Variants in FBXW7 observed in about 807,000 individuals in gnomAD.
FBXW7 encodes F-box/WD repeat-containing protein 7.
In FBXW7, 11 loss-of-function variants were observed where a neutral mutation model predicts 86.3. The ratio of observed to expected loss-of-function variants is 0.13; its 90% CI spans 0.08 to 0.21. The LOEUF (loss-of-function observed/expected upper bound fraction) is 0.21. Ranked by LOEUF, FBXW7 falls within the 10% of genes least tolerant of loss-of-function variation. FBXW7 has a pLI of 1.00. For missense variants in FBXW7, 488 were observed against 847.4 expected (o/e 0.58, Z 5.27); for synonymous variants, 313 against 297.9 (o/e 1.05, Z -0.52).
chr4:152,459,549 G>C (rs1325452760), intron 2 of FBXW7, among the ~76,000 whole-genome samples: 1 of 152,148 alleles, frequency 6.6e-6, no homozygotes, highest in Non-Finnish European at 1.5e-5. Context: ...CAGGCAGACT[G>C]CCCTTATATT....
chr4:152,443,208 G>A (rs574632731), intron 2 of FBXW7, among the ~76,000 whole-genome samples: 23 of 152,282 alleles, frequency 1.5e-4, no homozygotes, highest in African/African-American at 5.3e-4. Context: ...GTTGTGGTGA[G>A]CCGAAATCGC....
chr4:152,414,601 A>G (rs1035376939), intron 2 of FBXW7, among the ~76,000 whole-genome samples: 1 of 152,300 alleles, frequency 6.6e-6, no homozygotes, highest in Admixed American at 6.5e-5. Flanking sequence ...TTAATCAATA[A>G]ATGTTTCAAA....
chr4:152,347,169 A>C, intron 5 of FBXW7, 98 bp from the exon 6 acceptor site: 1 of 999,468 alleles, frequency 1.0e-6, no homozygotes, highest in Non-Finnish European at 1.4e-6. Context: ...TCTAGTACAA[A>C]GAATGATGAT....
intron 2 of FBXW7, among the ~76,000 whole-genome samples, chr4:152,425,228 CAA>C (rs1739275092): frequency 6.6e-6 from 1 of 152,196 alleles, no homozygotes; most frequent in African/African-American, 2.4e-5. Context: ...CTGTGACACA[CAA>C]AGACTCTCAA....
chr4:152,495,524 A>C (rs1250240473), intron 2 of FBXW7, among the ~76,000 whole-genome samples: 1 of 152,192 alleles, frequency 6.6e-6, no homozygotes, highest in African/African-American at 2.4e-5. Flanking sequence ...TAACATGGAA[A>C]AAACAGTAAC....
rs1390761855 is a variant in FBXW7, at chr4:152,424,330, T to C, written c.-119-11801A>G. Among the ~76,000 whole-genome samples, 4 of 152,156 alleles carry C rather than the reference T, an allele frequency of 2.6e-5. No homozygotes were observed. In the East Asian group the frequency reaches 5.8e-4, roughly 22 times the overall value. On this transcript the variant is annotated intron_variant, in intron 2 of 13. Coordinates refer to ENST00000281708, the MANE Select transcript of FBXW7 (RefSeq NM_001349798.2). ...AGACTTTTTGCATTTTTCTGAAACT[T>C]TGACTAATAGGACAATCAATGTTTA...
intron 2 of FBXW7, among the ~76,000 whole-genome samples, chr4:152,456,209 A>T (rs1742396208): frequency 6.6e-6 from 1 of 152,070 alleles, no homozygotes; most frequent in South Asian, 2.1e-4. Context: ...ATTCAATAAT[A>T]AGACAAACAA....
intron 4 of FBXW7, chr4:152,352,768 T>C (rs1463534048): frequency 6.2e-7 from 1 of 1,606,864 alleles, no homozygotes; most frequent in Non-Finnish European, 8.5e-7. Context: ...CTCGAGGGAA[T>C]AATGAGAGAG....
At chr4:152,516,921 G>C (rs1046847834) in intron 2 of FBXW7, among the ~76,000 whole-genome samples, 2 of 152,172 alleles carry the variant, frequency 1.3e-5, no homozygotes, top group Non-Finnish European at 2.9e-5. Context: ...GACCTCCTGG[G>C]TTCAAGCAAT....
chr4:152,346,420 A>G (rs1731269176), intron 6 of FBXW7, among the ~76,000 whole-genome samples: 1 of 152,232 alleles, frequency 6.6e-6, no homozygotes, highest in African/African-American at 2.4e-5. Context: ...TTTAAAAAGC[A>G]ATAAAAAAAA....
chr4:152,450,857 TAA>T (rs1337067502), intron 2 of FBXW7, among the ~76,000 whole-genome samples: 1 of 152,164 alleles, frequency 6.6e-6, no homozygotes, highest in African/African-American at 2.4e-5. Flanking sequence ...AACTATGAAA[TAA>T]AAGATTCAAA....
chr4:152,489,762 C>A (rs893019706), intron 2 of FBXW7, among the ~76,000 whole-genome samples: 7 of 151,922 alleles, frequency 4.6e-5, no homozygotes, highest in African/African-American at 1.7e-4. Flanking sequence ...ACCTGGCACC[C>A]TTATCTTCTT....
chr4:152,510,006 A>G (rs905938655), intron 2 of FBXW7, among the ~76,000 whole-genome samples: 4 of 152,240 alleles, frequency 2.6e-5, no homozygotes, highest in African/African-American at 7.2e-5. Context: ...TCCTTAAAGT[A>G]TAAGAGGGGA....
intron 2 of FBXW7, among the ~76,000 whole-genome samples, chr4:152,454,252 C>CT (rs1037013736): frequency 2.3e-5 from 2 of 85,114 alleles, no homozygotes; most frequent in African/African-American, 5.7e-5. Context: ...ACTCTCTAAG[C>CT]CCCCCCCCCC....
intron 2 of FBXW7, among the ~76,000 whole-genome samples, chr4:152,460,943 T>C (rs78745268): frequency 1.3e-5 from 2 of 152,202 alleles, no homozygotes; most frequent in Admixed American, 6.5e-5. Flanking sequence ...ATAGATGACT[T>C]TTATTAATCT....
At chr4:152,478,870 C>A (rs142098860) in intron 2 of FBXW7, among the ~76,000 whole-genome samples, 1 of 152,198 alleles carries the variant, frequency 6.6e-6, no homozygotes, top group South Asian at 2.1e-4. Flanking sequence ...AATATCTGTT[C>A]AAGTCCTTTA....
At chr4:152,339,384 G>C (rs1730483905) in intron 6 of FBXW7, among the ~76,000 whole-genome samples, 1 of 152,094 alleles carries the variant, frequency 6.6e-6, no homozygotes, top group Admixed American at 6.5e-5. Context: ...TACCTTGTTT[G>C]GTTTGGTTTC....
Position 152,457,837 on chromosome 4 carries a change from T to C in FBXW7, c.-119-45308A>G, listed in dbSNP as rs145875709. Among the ~76,000 whole-genome samples, 708 of 151,864 alleles carry C rather than the reference T, an allele frequency of 4.7e-3. 4 individuals are homozygous for C. Among genetic ancestry groups the C allele is most frequent in the African/African-American group, 0.017 (691 of 41,388 alleles). Reference sequence around the variant, plus strand: ...GATAAAAGATGTTACACTGATACTGTGGAATTTAAGAAAGATTTCTGGATA... The same window carrying C: ...GATAAAAGATGTTACACTGATACTGCGGAATTTAAGAAAGATTTCTGGATA... On this transcript the variant is annotated intron_variant, in intron 2 of 13. Coordinates refer to ENST00000281708, the MANE Select transcript of FBXW7 (RefSeq NM_001349798.2).
At chr4:152,402,492 C>T (rs1737036668) in intron 4 of FBXW7, among the ~76,000 whole-genome samples, 2 of 152,182 alleles carry the variant, frequency 1.3e-5, no homozygotes, top group African/African-American at 2.4e-5. Context: ...TATTTCATCA[C>T]AGCCCACTCA....
Sources: gnomAD v4.1 joint callset for allele counts (sites outside exome capture counted in the v4.1 genomes callset) on GRCh38, gnomAD v4.1.1 for gene constraint, MANE v1.5 for transcripts, NCBI Gene and HGNC (gene_info 2026-07-23, HGNC 2026-07-21) for gene names.